The following NCALD variants were observed in gnomAD, a reference collection of about 807,000 sequenced individuals.
NCALD encodes neurocalcin-delta.
In NCALD, 10 loss-of-function variants were observed where a neutral mutation model predicts 18.6. That is an observed-to-expected ratio of 0.54 (90% CI 0.33 to 0.91). The LOEUF is 0.91. Ranked by LOEUF, NCALD falls within the 40% of genes least tolerant of loss-of-function variation. NCALD has a pLI of 0.03. For missense variants in NCALD, 184 were observed against 247.6 expected (o/e 0.74, Z 1.72); for synonymous variants, 88 against 87.4 (o/e 1.01, Z -0.04).
intron 1 of NCALD, among the ~76,000 whole-genome samples, chr8:102,067,107 C>CA (rs1213036052): frequency 1.4e-4 from 21 of 152,184 alleles, no homozygotes; most frequent in Admixed American, 1.4e-3. Flanking sequence ...CTCCTTGACC[C>CA]ATCAAACCAC....
intron 1 of NCALD, among the ~76,000 whole-genome samples, chr8:102,032,822 G>A (rs1188497009): frequency 6.6e-6 from 1 of 152,090 alleles, no homozygotes; most frequent in Non-Finnish European, 1.5e-5. Context: ...AGCCACCCTA[G>A]TAACTTCTCC....
chr8:101,835,103 T>A (rs758597652), intron 4 of NCALD, among the ~76,000 whole-genome samples: 1 of 152,248 alleles, frequency 6.6e-6, no homozygotes, highest in Non-Finnish European at 1.5e-5. Context: ...AAAAGGAATC[T>A]TACATAGAAG....
At chr8:101,746,376 C>A (rs530063447) in intron 1 of NCALD, among the ~76,000 whole-genome samples, 1 of 152,072 alleles carries the variant, frequency 6.6e-6, no homozygotes, top group African/African-American at 2.4e-5. Flanking sequence ...TGAGGTACTG[C>A]ATGTACAAGT....
At chr8:101,947,519 C>T (rs918373753) in intron 2 of NCALD, among the ~76,000 whole-genome samples, 2 of 152,092 alleles carry the variant, frequency 1.3e-5, no homozygotes, top group Admixed American at 6.5e-5. Flanking sequence ...AAAGAGAACC[C>T]ATTTTCAGTT....
intron 4 of NCALD, among the ~76,000 whole-genome samples, chr8:101,851,883 AG>A (rs1048376957): frequency 9.9e-5 from 15 of 152,274 alleles, no homozygotes; most frequent in African/African-American, 3.1e-4. Context: ...TGATATTAAG[AG>A]GTGGGGCTTT....
At chr8:101,870,053 G>A (rs1815938310) in intron 4 of NCALD, among the ~76,000 whole-genome samples, 1 of 152,110 alleles carries the variant, frequency 6.6e-6, no homozygotes, top group Non-Finnish European at 1.5e-5. Flanking sequence ...TGAAAATTGA[G>A]GAAATTAAAA....
chr8:101,812,021 G>A (rs540408225), intron 4 of NCALD, among the ~76,000 whole-genome samples: 114 of 152,288 alleles, frequency 7.5e-4, no homozygotes, highest in Non-Finnish European at 1.1e-3. Context: ...TCTCAGAATG[G>A]AGTGGGATGG....
At chr8:101,765,913 T>C (rs796463998) in intron 1 of NCALD, among the ~76,000 whole-genome samples, 9 of 152,318 alleles carry the variant, frequency 5.9e-5, no homozygotes, top group African/African-American at 2.2e-4. Context: ...TCATTTACTG[T>C]TTAGTTCTAC....
intron 3 of NCALD, chr8:101,690,207 G>A: frequency 1.0e-6 from 1 of 977,942 alleles, no homozygotes; most frequent in Non-Finnish European, 1.2e-6. Context: ...GAGGGGAGGG[G>A]GTGGGGTAGG....
At chr8:101,892,280 C>A (rs1816935256) in intron 3 of NCALD, among the ~76,000 whole-genome samples, 1 of 146,398 alleles carries the variant, frequency 6.8e-6, no homozygotes, top group South Asian at 2.2e-4. Context: ...CAGGGTATTC[C>A]AACAGACCTG....
At chr8:102,112,460 C>T (rs756584856) in intron 1 of NCALD, among the ~76,000 whole-genome samples, 16 of 151,942 alleles carry the variant, frequency 1.1e-4, no homozygotes, top group Non-Finnish European at 2.1e-4. Context: ...CTTGCCTAAG[C>T]TTGTTTTAGA....
chr8:101,786,686 G>T (rs1387903554), intron 1 of NCALD, among the ~76,000 whole-genome samples: 1 of 152,124 alleles, frequency 6.6e-6, no homozygotes, highest in Non-Finnish European at 1.5e-5. Flanking sequence ...ATTCATCCTT[G>T]CATAAAAGCA....
At chr8:101,756,077 C>T (rs978590173) in intron 1 of NCALD, among the ~76,000 whole-genome samples, 4 of 95,268 alleles carry the variant, frequency 4.2e-5, no homozygotes, top group Admixed American at 2.0e-4. Context: ...CATCTCCCTT[C>T]CCCCACCTTT....
intron 3 of NCALD, among the ~76,000 whole-genome samples, chr8:101,904,079 A>G (rs1209515597): frequency 6.6e-6 from 1 of 152,220 alleles, no homozygotes; most frequent in African/African-American, 2.4e-5. Context: ...AATGGAGGAC[A>G]GTAAGCCTGT....
chr8:101,732,793 G>T (rs931375710), intron 1 of NCALD, among the ~76,000 whole-genome samples: 8 of 151,654 alleles, frequency 5.3e-5, no homozygotes, highest in Non-Finnish European at 8.8e-5. Flanking sequence ...CAGTAGAGAC[G>T]GGTTTTTGGC....
intron 1 of NCALD, among the ~76,000 whole-genome samples, chr8:101,744,106 A>G (rs1259586746): frequency 6.6e-6 from 1 of 152,246 alleles, no homozygotes. Context: ...CTGGGCCATC[A>G]TGCTACCTCT....
At chr8:101,985,138 G>A (rs554453740) in intron 2 of NCALD, among the ~76,000 whole-genome samples, 9 of 152,274 alleles carry the variant, frequency 5.9e-5, no homozygotes, top group South Asian at 2.1e-4. Context: ...GAACTCCGCC[G>A]CCATGCTGCG....
intron 1 of NCALD, among the ~76,000 whole-genome samples, chr8:102,111,173 G>A (rs1825627990): frequency 6.6e-6 from 1 of 151,960 alleles, no homozygotes; most frequent in African/African-American, 2.4e-5. Context: ...ATGATACAGA[G>A]GGAACAGCAC....
chr8:102,016,624 T>C lies in NCALD; in HGVS notation c.-157+3613A>G, dbSNP rs1445963823. Among the ~76,000 whole-genome samples the C allele has an allele frequency of 3.3e-5, 5 of 152,166 alleles. No homozygotes were observed. The East Asian group carries it at 9.6e-4, about 29-fold the overall frequency. ...TGAAGGTAACTATGGCAATCACAAA[T>C]TCAACTCCATCCAAACTCAATACTA... is the stretch of plus-strand genomic sequence containing the variant. On this transcript the variant is annotated intron_variant, in intron 2 of 6. Transcript: ENST00000311028.
Sources: gnomAD v4.1 joint callset for allele counts (sites outside exome capture counted in the v4.1 genomes callset) on GRCh38, gnomAD v4.1.1 for gene constraint, MANE v1.5 for transcripts, NCBI Gene and HGNC (gene_info 2026-07-23, HGNC 2026-07-21) for gene names.